NCOA1: variants seen among roughly 807,000 people sequenced by gnomAD.
NCOA1 encodes Hin-2 protein.
In NCOA1, 35 loss-of-function variants were observed where a neutral mutation model predicts 150.9. That is an observed-to-expected ratio of 0.23 (90% CI 0.18 to 0.31). The LOEUF is 0.31. Among genes scored for constraint, NCOA1 ranks in the 10% least tolerant of loss-of-function variants. The pLI is 1.00. For synonymous variants in NCOA1, 590 were observed against 630.0 expected, an observed-to-expected ratio of 0.94 and a Z score of 0.95; for missense variants, 1,491 against 1,749.3, an observed-to-expected ratio of 0.85 and a Z score of 2.63.
At chr2:24,623,224 A>G (rs1487236460) in intron 3 of NCOA1, among the ~76,000 whole-genome samples, 2 of 152,228 alleles carry the variant, frequency 1.3e-5, no homozygotes, top group Admixed American at 1.3e-4. Flanking sequence ...CAAAGGACTA[A>G]AAGAAGTTAG....
At chr2:24,595,590 C>CA (rs1280026862) in intron 3 of NCOA1, among the ~76,000 whole-genome samples, 1 of 152,096 alleles carries the variant, frequency 6.6e-6, no homozygotes, top group Non-Finnish European at 1.5e-5. Context: ...TTGGTGTAGC[C>CA]AGCCTCCATT....
rs1553441361 is a variant in NCOA1 at position 24,642,035 on chromosome 2, T to TGC, written c.-174-1930_-174-1929insCG. Among the ~76,000 whole-genome samples the TGC allele has an allele frequency of 3.0e-4, 34 of 114,342 alleles. 1 individual carries two copies. The highest frequency in any genetic ancestry group is 6.0e-4 in the African/African-American group (21 of 35,114). The allele number at this position is 114,342 out of a possible 152,430, so 75.0% of individuals were successfully genotyped here. A position where few individuals can be genotyped will look rare whatever the true frequency, so the allele number is the denominator to read the frequency against. On this transcript the variant is annotated intron_variant, in intron 3 of 22. Transcript: ENST00000348332. ...GTGTGTGTGTGTGTGTGTGTGTGTGTGTGCGCGCGTGCGTATGTGTGTGTG... is the reference window on the plus strand; with the variant it reads ...GTGTGTGTGTGTGTGTGTGTGTGTGTGCGTGCGCGCGTGCGTATGTGTGTGTG...
rs573799101 is a variant in NCOA1, at chr2:24,523,210, G to A, written c.-396+31608G>A. Among the ~76,000 whole-genome samples, 10 of 152,214 alleles carry A rather than the reference G, an allele frequency of 6.6e-5. No homozygotes were observed. In the South Asian group the frequency reaches 1.2e-3, roughly 19 times the overall value. ...TCAGTTGTTTTTACTGCCCCGATCAGCTTTTTAAAACAAATAATCATACCT... is the reference window on the plus strand; with the variant it reads ...TCAGTTGTTTTTACTGCCCCGATCAACTTTTTAAAACAAATAATCATACCT... On this transcript the variant is annotated intron_variant, in intron 1 of 22. Transcript: ENST00000348332.
At chr2:24,754,891 T>C (rs958231171) in intron 20 of NCOA1, among the ~76,000 whole-genome samples, 4 of 152,152 alleles carry the variant, frequency 2.6e-5, no homozygotes, top group Admixed American at 2.6e-4. Context: ...TGGGTATAGG[T>C]TTTCGTTGTA....
chr2:24,706,471 A>G (rs1221062876), intron 12 of NCOA1, 97 bp from the exon 13 acceptor site: 5 of 1,330,482 alleles, frequency 3.8e-6, no homozygotes, highest in Admixed American at 5.5e-5. Context: ...TTGCAATATT[A>G]ATGAGATCAA....
intron 22 of NCOA1, 74 bp downstream of exon 22, chr2:24,762,850 T>C: frequency 7.4e-7 from 1 of 1,342,912 alleles, no homozygotes. Context: ...GTAGCATCAT[T>C]AAGAGCCTGA....
At position 24,704,939 on chromosome 2, in the gene NCOA1, T is replaced by C. The variant is rs1673343527; in HGVS notation, c.950-147T>C. 4.4e-6 allele frequency: 3 copies of C among 685,374 alleles called. No individual in the cohort carries two copies. The South Asian group carries it at 8.5e-5, about 19-fold the overall frequency. The allele number at this position is 685,374 out of a possible 1,614,324, so 42.5% of individuals were successfully genotyped here. ...TCTTCCCCCTCAGATATCTGCTTTG[T>C]CTGAACTATTCTTTATTCTGAGTCT... is the stretch of plus-strand genomic sequence containing the variant. On this transcript the variant is annotated intron_variant, in intron 11 of 22. Transcript: ENST00000348332.
chr2:24,582,392 C>T (rs1178256945), intron 2 of NCOA1, among the ~76,000 whole-genome samples: 1 of 151,956 alleles, frequency 6.6e-6, no homozygotes, highest in African/African-American at 2.4e-5. Flanking sequence ...ATAAATTTAA[C>T]CAAGGAGGTG....
intron 6 of NCOA1, among the ~76,000 whole-genome samples, chr2:24,667,855 T>C (rs1671502315): frequency 6.6e-6 from 1 of 152,178 alleles, no homozygotes; most frequent in Non-Finnish European, 1.5e-5. Flanking sequence ...GTAAAGTTGT[T>C]CCTAACTAAC....
At chr2:24,531,754 C>T (rs1377203523) in intron 1 of NCOA1, among the ~76,000 whole-genome samples, 1 of 152,140 alleles carries the variant, frequency 6.6e-6, no homozygotes, top group Non-Finnish European at 1.5e-5. Context: ...ATGGTTTACA[C>T]CTTCATCCAT....
At chr2:24,589,813 C>T (rs1667577731) in intron 3 of NCOA1, among the ~76,000 whole-genome samples, 1 of 152,154 alleles carries the variant, frequency 6.6e-6, no homozygotes, top group Admixed American at 6.5e-5. Flanking sequence ...TTTTCTTCTG[C>T]CCCATCTGCC....
intron 14 of NCOA1, among the ~76,000 whole-genome samples, chr2:24,717,615 T>A (rs2148617647): frequency 6.6e-6 from 1 of 152,304 alleles, no homozygotes; most frequent in South Asian, 2.1e-4. Context: ...CACATATATA[T>A]ATATAAATCA....
Position 24,706,817 on chromosome 2 carries a change from T to G in NCOA1, c.1347T>G (p.Ile449Met), listed in dbSNP as rs1465589671. The G allele has an allele frequency of 1.2e-6, 2 of 1,614,190 alleles. No homozygotes were observed. The highest frequency in any genetic ancestry group is 1.1e-5 in the South Asian group (1 of 91,084). Residue 449 changes from isoleucine (I) to methionine (M), a missense_variant, in exon 13 of 23, where the codon ATT (isoleucine) becomes ATG (methionine). Physicochemically the swap from Ile to Met is conservative, Grantham distance 10. Around this residue, in one of 8 missense-constraint regions of NCOA1, gnomAD observed 703 missense variants for 717.7 expected, o/e 0.98. Transcript: ENST00000348332. ...TCGGATGCTCACCCGGAAGTCAGATTGTAGCCAATGTTGCCTTAAACCAAG... is the reference window on the plus strand; with the variant it reads ...TCGGATGCTCACCCGGAAGTCAGATGGTAGCCAATGTTGCCTTAAACCAAG... ...GSFGCSPGSQ[I>M]VANVALNQGQ... is the part of the protein sequence containing the mutation.
In NCOA1 at chr2:24,707,089, C is replaced by G; in HGVS notation, c.1619C>G (p.Ser540Cys). 1 of 1,614,124 alleles carries G rather than the reference C, an allele frequency of 6.2e-7. No individual in the cohort carries two copies. The highest frequency in any genetic ancestry group is 8.5e-7 in the Non-Finnish European group (1 of 1,179,956). The change falls in exon 13 of 23, where the codon TCT becomes TGT. Residue 540 changes from serine (S) to cysteine (C), a missense_variant. Transcript: ENST00000348332. The stretch of plus-strand genomic sequence containing the variant: ...TCTTATTCAAACATCCCAGTAACAT[C>G]TTTACAGGGTATGAATGAAGGACCC... The part of the protein sequence containing the change: ...NRSYSNIPVT[S>C]LQGMNEGPNN...
At chr2:24,720,839 A>T (rs1572639911) in intron 14 of NCOA1, among the ~76,000 whole-genome samples, 1 of 152,312 alleles carries the variant, frequency 6.6e-6, no homozygotes, top group Non-Finnish European at 1.5e-5. Context: ...CTAGAACCAG[A>T]GTCTATTATT....
At chr2:24,762,828 A>G in intron 22 of NCOA1, 52 bp downstream of exon 22, 1 of 1,488,676 alleles carries the variant, frequency 6.7e-7, no homozygotes, top group Non-Finnish European at 9.4e-7. Flanking sequence ...CTAGATGCAC[A>G]GAGGTCATTG....
chr2:24,761,850 C>T (rs767862409), intron 21 of NCOA1, among the ~76,000 whole-genome samples: 7 of 152,236 alleles, frequency 4.6e-5, no homozygotes, highest in Non-Finnish European at 1.0e-4. Context: ...TAATATGCTA[C>T]ATGATACTAC....
intron 7 of NCOA1, among the ~76,000 whole-genome samples, chr2:24,674,753 A>AT (rs56801436): frequency 2.0e-5 from 3 of 151,732 alleles, no homozygotes; most frequent in African/African-American, 7.3e-5. Flanking sequence ...CAGTATGGGC[A>AT]TTTTTTTTTA....
chr2:24,712,646 A>G lies in NCOA1; in HGVS notation c.2599+1535A>G, dbSNP rs1460866598. Among the ~76,000 whole-genome samples the G allele has an allele frequency of 6.6e-5, 10 of 152,312 alleles. No individual in the cohort carries two copies. In the East Asian group the frequency reaches 1.9e-3, roughly 29 times the overall value. On this transcript the variant is annotated intron_variant, in intron 14 of 22. Coordinates refer to ENST00000348332, the MANE Select transcript of NCOA1 (RefSeq NM_003743.5). ...CAGAAAAAGTATGCAGTGGAAATAT[A>G]TAATGAATGCATAAACCAAAAAAGA...
Sources: gnomAD v4.1 joint callset for allele counts (sites outside exome capture counted in the v4.1 genomes callset) on GRCh38, gnomAD v4.1.1 for gene constraint, gnomAD v4.1.1 regional missense constraint, MANE v1.5 for transcripts, NCBI Gene and HGNC (gene_info 2026-07-23, HGNC 2026-07-21) for gene names.